SPG11: variants seen among roughly 807,000 people sequenced by gnomAD.
SPG11 encodes the protein spatacsin.
SPG11 carries 222 observed loss-of-function variants against 274.0 expected under a neutral mutation model. The observed-to-expected ratio is 0.81, with a 90% CI of 0.73 to 0.91. The LOEUF (loss-of-function observed/expected upper bound fraction) is 0.91, where lower values mean the gene tolerates loss of function less well. SPG11 is among the 40% of genes least tolerant of loss of function. The pLI is 0.00. For missense variants in SPG11, 3,114 were observed against 2,872.7 expected (o/e 1.08, Z -1.92); for synonymous variants, 1,144 against 1,039.7 (o/e 1.10, Z -1.93).
chr15:44,622,296 T>C lies in SPG11; in HGVS notation c.2368A>G (p.Ile790Val). 6.3e-7 allele frequency: 1 copy of C among 1,583,300 alleles called. No homozygotes were observed. The highest frequency in any genetic ancestry group is 8.7e-7 in the Non-Finnish European group (1 of 1,156,042). ...TTCTCAACTTGATGCACGAAGTCTA[T>C]AGTTCTTTTCTCTTTTTCAGAAAAA... ...NYFSEKEKRTIDFVHQVEKLY... is the reference protein window; with the variant it reads ...NYFSEKEKRTVDFVHQVEKLY... Residue 790 changes from isoleucine to valine, a missense_variant, in exon 13 of 40, where the codon ATA becomes GTA. Physicochemically the swap from Ile to Val is conservative, Grantham distance 29. Coordinates refer to ENST00000261866, the MANE Select transcript of SPG11 (RefSeq NM_025137.4).
chr15:44,587,718 A>AAAAAAAAAAAAAAAAAAAAAC (rs1567141736), intron 28 of SPG11, among the ~76,000 whole-genome samples: 5 of 148,726 alleles, frequency 3.4e-5, no homozygotes, highest in African/African-American at 1.3e-4. Flanking sequence ...AAAAAAAAAA[A>AAAAAAAAAAAAAAAAAAAAAC]AACGTATTCC....
At chr15:44,646,014 G>C (rs1431839916) in intron 7 of SPG11, among the ~76,000 whole-genome samples, 1 of 152,184 alleles carries the variant, frequency 6.6e-6, no homozygotes, top group Admixed American at 6.5e-5. Flanking sequence ...AAAAGGGAAA[G>C]CTTATACAGT....
At position 44,565,952 on chromosome 15, in the gene SPG11, G is replaced by GCAGAGTTATCAACTT; in HGVS notation, c.6886_6900dup (p.Lys2296_Leu2300dup). 1 of 1,614,020 alleles carries GCAGAGTTATCAACTT rather than the reference G, an allele frequency of 6.2e-7. No homozygotes were observed. The highest frequency in any genetic ancestry group is 8.5e-7 in the Non-Finnish European group (1 of 1,180,016). ...TGGCCAGTGTTCAGAAAGTGAATCT[G>GCAGAGTTATCAACTT]CAGAGTTATCAACTTGGTGAGCCGC... On this transcript the variant is annotated inframe_insertion, in exon 38 of 40. Transcript: ENST00000261866.
At position 44,572,768 on chromosome 15, in the gene SPG11, C is replaced by G. The variant is rs150761878; in HGVS notation, c.6258G>C (p.Leu2086=). The change falls in exon 33 of 40, where the codon CTG becomes CTC. Residue 2086 remains leucine, a synonymous_variant. Transcript: ENST00000261866. ...PTEESQTFLQ[L]TTLCQDRTLV... is the part of the protein sequence containing the mutation. ...ATGTGCGGTCTTGACACAGAGTGGT[C>G]AGCTGAAGAAATGTCTGGCTTTCCT... 6.2e-7 allele frequency: 1 copy of G among 1,614,050 alleles called. No individual in the cohort carries two copies. The highest frequency in any genetic ancestry group is 8.5e-7 in the Non-Finnish European group (1 of 1,179,974).
intron 18 of SPG11, among the ~76,000 whole-genome samples, chr15:44,610,091 C>T (rs897861266): frequency 6.6e-6 from 1 of 151,506 alleles, no homozygotes; most frequent in Non-Finnish European, 1.5e-5. Context: ...TTAGTAGAGA[C>T]GGGGTTTCAG....
rs148731924 is a variant in SPG11, at chr15:44,584,277, G to T, written c.5403C>A (p.Ile1801=). 1 of 1,613,526 alleles carries T rather than the reference G, an allele frequency of 6.2e-7. No individual in the cohort carries two copies. The highest frequency in any genetic ancestry group is 8.5e-7 in the Non-Finnish European group (1 of 1,179,660). ...LDKLEELEKQ[I]WLCRITQHTL... ...TGTGCTGGGTGATGCGGCACAGCCA[G>T]ATCTGCTTCTCCAGCTCCTCCAGCT... The change falls in exon 30 of 40, where the codon ATC becomes ATA. Residue 1801 remains isoleucine (I), a synonymous_variant. Transcript: ENST00000261866.
In SPG11 at chr15:44,654,614, C is replaced by T. The variant is rs144653253; in HGVS notation, c.870-2348G>A. ...AGCATTTTTGGGAGGCCAAGGTGGG[C>T]GGATCATCTGAGGTCATAAGTTCAA... On this transcript the variant is annotated intron_variant, in intron 4 of 39. Transcript: ENST00000261866. Among the ~76,000 whole-genome samples, 96 of 152,186 alleles carry T rather than the reference C, an allele frequency of 6.3e-4. 2 individuals carry two copies. The highest frequency in any genetic ancestry group is 3.4e-3 in the Middle Eastern group (1 of 294).
chr15:44,626,448 CCTG>C lies in SPG11; in HGVS notation c.2124_2126del (p.Phe708_Arg709delinsLeu). The C allele has an allele frequency of 6.2e-7, 1 of 1,613,964 alleles. No homozygotes were observed. Among genetic ancestry groups the C allele is most frequent in the Non-Finnish European group, 8.5e-7 (1 of 1,179,964 alleles). ...GTTTTTGAGCAGAATGACTATCAAT[CCTG>C]AAGAAAGTCTGTGCCTCTGGTATTT... is the stretch of plus-strand genomic sequence containing the variant. On this transcript the variant is annotated inframe_deletion, in exon 11 of 40. Transcript: ENST00000261866.
chr15:44,569,432 T>C lies in SPG11; in HGVS notation c.6551A>G (p.Tyr2184Cys). 1 of 1,606,626 alleles carries C rather than the reference T, an allele frequency of 6.2e-7. No homozygotes were observed. The highest frequency in any genetic ancestry group is 1.1e-5 in the South Asian group (1 of 89,596). The change falls in exon 35 of 40, where the codon TAC becomes TGC. Residue 2184 changes from tyrosine (Y) to cysteine (C), a missense_variant. Transcript: ENST00000261866. ...YIFDLLHKKH[Y>C]FEVLMRKKLD... ...CTTCTTCCTCATTAGCACTTCAAAG[T>C]AGTGCTTTTTATGCAGCAAATCAAA... is the stretch of plus-strand genomic sequence containing the variant.
intron 20 of SPG11, among the ~76,000 whole-genome samples, chr15:44,604,656 C>T (rs1345459892): frequency 6.6e-6 from 1 of 151,956 alleles, no homozygotes; most frequent in Admixed American, 6.6e-5. Flanking sequence ...TGGTTGGGTG[C>T]GGTGGCTCAC....
At chr15:44,576,968 G>A (rs2082552519) in intron 30 of SPG11, among the ~76,000 whole-genome samples, 2 of 151,636 alleles carry the variant, frequency 1.3e-5, no homozygotes, top group African/African-American at 4.8e-5. Context: ...CTGGGATTAC[G>A]GGTGTGCACC....
intron 15 of SPG11, 48 bp downstream of exon 15, chr15:44,620,141 TC>T: frequency 7.0e-7 from 1 of 1,427,152 alleles, no homozygotes; most frequent in East Asian, 2.3e-5. Flanking sequence ...TTTTTCTTGC[TC>T]TTCCCTTGTA....
intron 35 of SPG11, 51 bp downstream of exon 35, chr15:44,569,347 C>G: frequency 1.5e-6 from 2 of 1,315,530 alleles, no homozygotes; most frequent in Non-Finnish European, 2.2e-6. Flanking sequence ...GCTGAGGCTC[C>G]TGAATTATCA....
At chr15:44,662,087 C>T (rs2085126354) in intron 1 of SPG11, among the ~76,000 whole-genome samples, 1 of 152,100 alleles carries the variant, frequency 6.6e-6, no homozygotes, top group African/African-American at 2.4e-5. Context: ...TACAGAGCCA[C>T]ATTCATAGGT....
At chr15:44,657,065 T>A (rs1452773125) in intron 4 of SPG11, 30 bp downstream of exon 4, 1 of 1,599,526 alleles carries the variant, frequency 6.3e-7, no homozygotes, top group Non-Finnish European at 8.6e-7. Flanking sequence ...ACTATTTACC[T>A]CAAATTAGAA....
intron 27 of SPG11, among the ~76,000 whole-genome samples, chr15:44,592,072 C>T (rs887400816): frequency 9.3e-5 from 14 of 150,994 alleles, no homozygotes; most frequent in Non-Finnish European, 1.6e-4. Flanking sequence ...GATCATGCCA[C>T]CGCACTCCAG....
chr15:44,604,694 C>T (rs1434385742), intron 20 of SPG11, among the ~76,000 whole-genome samples: 1 of 151,700 alleles, frequency 6.6e-6, no homozygotes, highest in Non-Finnish European at 1.5e-5. Flanking sequence ...TTTGGGAGGC[C>T]GAGGTGGGTG....
chr15:44,617,865 G>A (rs1198754763), intron 15 of SPG11, among the ~76,000 whole-genome samples: 1 of 151,858 alleles, frequency 6.6e-6, no homozygotes, highest in Non-Finnish European at 1.5e-5. Flanking sequence ...TAGTAGAGAC[G>A]ATGTTTCATC....
At chr15:44,598,189 TCAAAGAAAAACTAGG>T in intron 23 of SPG11, 61 bp downstream of exon 23, 1 of 1,072,856 alleles carries the variant, frequency 9.3e-7, no homozygotes, top group Non-Finnish European at 1.4e-6. Flanking sequence ...CCAGAGTTGT[TCAAAGAAAAACTAGG>T]CAAACACAGG....
Sources: allele counts gnomAD v4.1 joint callset (sites outside exome capture counted in the v4.1 genomes callset), GRCh38; gene constraint gnomAD v4.1.1; transcripts MANE v1.5; gene names NCBI Gene and HGNC (gene_info 2026-07-23, HGNC 2026-07-21).